Variants in NTN1 observed in about 807,000 individuals in gnomAD.
The protein encoded by NTN1 is netrin-1.
In NTN1, 11 loss-of-function variants were observed where a neutral mutation model predicts 54.2. The ratio of observed to expected loss-of-function variants is 0.20; its 90% CI spans 0.13 to 0.34. The LOEUF (loss-of-function observed/expected upper bound fraction) is 0.34. NTN1 is among the 10% of genes least tolerant of loss of function. The pLI is 1.00. For synonymous variants in NTN1, 371 were observed against 382.0 expected (o/e 0.97, Z 0.33); for missense variants, 740 against 893.1 (o/e 0.83, Z 2.18).
intron 3 of NTN1, among the ~76,000 whole-genome samples, chr17:9,170,601 GGCAGAGATGT>G (rs1432976101): frequency 6.6e-6 from 1 of 152,166 alleles, no homozygotes; most frequent in African/African-American, 2.4e-5. Context: ...CAAGTCGAAG[GGCAGAGATGT>G]GCCCAGCAGC....
intron 2 of NTN1, among the ~76,000 whole-genome samples, chr17:9,035,979 GC>G (rs1484794184): frequency 6.6e-6 from 1 of 152,158 alleles, no homozygotes; most frequent in Non-Finnish European, 1.5e-5. Context: ...CCAAGATGGT[GC>G]CACTGCACTC....
At chr17:9,191,522 T>C (rs1372752211) in intron 5 of NTN1, among the ~76,000 whole-genome samples, 2 of 152,118 alleles carry the variant, frequency 1.3e-5, no homozygotes, top group East Asian at 3.9e-4. Context: ...AAAGGCAAAC[T>C]AAAAGCTGAG....
intron 6 of NTN1, among the ~76,000 whole-genome samples, chr17:9,229,508 C>G (rs1239926286): frequency 6.6e-6 from 1 of 152,214 alleles, no homozygotes; most frequent in East Asian, 1.9e-4. Flanking sequence ...TTCTCTCCCA[C>G]ACCCGGGAGG....
intron 2 of NTN1, among the ~76,000 whole-genome samples, chr17:9,138,104 C>G (rs2092286776): frequency 6.6e-6 from 1 of 152,210 alleles, no homozygotes; most frequent in Non-Finnish European, 1.5e-5. Flanking sequence ...TTGCAAGAAT[C>G]CCCGGCGTGT....
At chr17:9,030,773 A>G (rs1032660869) in intron 2 of NTN1, among the ~76,000 whole-genome samples, 1 of 152,104 alleles carries the variant, frequency 6.6e-6, no homozygotes, top group Non-Finnish European at 1.5e-5. Flanking sequence ...AAGAAAGAAA[A>G]GAAAGATGGT....
intron 2 of NTN1, among the ~76,000 whole-genome samples, chr17:9,129,175 A>T (rs777046223): frequency 1.3e-5 from 2 of 152,106 alleles, no homozygotes; most frequent in Non-Finnish European, 1.5e-5. Flanking sequence ...ATTGAAAAAC[A>T]CTCAAGCCAG....
upstream of NTN1, chr17:9,021,470 G>T (rs1415622661): frequency 2.7e-5 from 4 of 150,534 alleles, no homozygotes; most frequent in Non-Finnish European, 5.9e-5. Context: ...GCCCCGCCCG[G>T]CGGCCCCGCC....
At chr17:9,134,401 C>T (rs1018210940) in intron 2 of NTN1, among the ~76,000 whole-genome samples, 5 of 152,150 alleles carry the variant, frequency 3.3e-5, no homozygotes, top group Non-Finnish European at 7.3e-5. Context: ...TTTCTGTGCC[C>T]GGCTGGGGTT....
chr17:9,023,481 G>A (rs931490952), intron 2 of NTN1, 90 bp downstream of exon 2: 15 of 1,300,610 alleles, frequency 1.2e-5, no homozygotes, highest in Non-Finnish European at 1.4e-5. Flanking sequence ...TAGGAGCGCG[G>A]GTCGAGGGAA....
intron 2 of NTN1, among the ~76,000 whole-genome samples, chr17:9,113,017 G>GC (rs1252572280): frequency 6.8e-6 from 1 of 147,386 alleles, no homozygotes; most frequent in Non-Finnish European, 1.5e-5. Flanking sequence ...TTTGTATACA[G>GC]AATTTTTTTT....
intron 2 of NTN1, among the ~76,000 whole-genome samples, chr17:9,096,123 G>A (rs531545754): frequency 2.6e-4 from 40 of 151,942 alleles, no homozygotes; most frequent in African/African-American, 8.0e-4. Flanking sequence ...GAATCTTCTC[G>A]TATGAAACTT....
At chr17:9,193,334 T>TG (rs950347362) in intron 5 of NTN1, among the ~76,000 whole-genome samples, 10 of 152,172 alleles carry the variant, frequency 6.6e-5, no homozygotes, top group African/African-American at 2.2e-4. Context: ...GAGAAAAGCA[T>TG]GGGGGACAGT....
chr17:9,056,253 C>T (rs958397623), intron 2 of NTN1, among the ~76,000 whole-genome samples: 1 of 152,190 alleles, frequency 6.6e-6, no homozygotes, highest in African/African-American at 2.4e-5. Context: ...GACGAGGTTT[C>T]ACCATGTTGG....
At chr17:9,029,710 T>C (rs2091882956) in intron 2 of NTN1, among the ~76,000 whole-genome samples, 1 of 152,250 alleles carries the variant, frequency 6.6e-6, no homozygotes, top group Non-Finnish European at 1.5e-5. Flanking sequence ...AGTTATATCA[T>C]TGGCCGGGCG....
At chr17:9,118,410 C>A (rs1032910986) in intron 2 of NTN1, among the ~76,000 whole-genome samples, 1 of 151,938 alleles carries the variant, frequency 6.6e-6, no homozygotes, top group African/African-American at 2.4e-5. Context: ...CCCAGCTATC[C>A]GGGAGGCTGA....
chr17:9,122,749 G>T (rs975207031), intron 2 of NTN1, among the ~76,000 whole-genome samples: 15 of 152,218 alleles, frequency 9.9e-5, no homozygotes, highest in Non-Finnish European at 2.2e-4. Context: ...TTAATACCCT[G>T]TGGTGTGTCT....
At chr17:9,039,546 A>G (rs1335508849) in intron 2 of NTN1, among the ~76,000 whole-genome samples, 1 of 152,206 alleles carries the variant, frequency 6.6e-6, no homozygotes, top group African/African-American at 2.4e-5. Context: ...GCACATATAT[A>G]AAAAGTATAA....
intron 5 of NTN1, 117 bp downstream of exon 5, chr17:9,183,086 C>T: frequency 9.4e-7 from 1 of 1,059,804 alleles, no homozygotes; most frequent in East Asian, 2.4e-5. Flanking sequence ...TGTCCGGGCT[C>T]TGCTCCGTAT....
rs1322697417 is a variant in NTN1 at position 9,240,057 on chromosome 17, C to T, written c.*89C>T. 1.6e-6 allele frequency: 1 copy of T among 611,508 alleles called. No homozygotes were observed. The highest frequency in any genetic ancestry group is 2.1e-6 in the Non-Finnish European group (1 of 483,608). 37.9% of individuals were successfully genotyped at this position (611,508 alleles called of 1,614,324 possible). On this transcript the variant is annotated 3_prime_UTR_variant, in exon 7 of 7. Transcript: ENST00000173229. ...TTGGCCCGGCCGCCGCGGACTTGGC[C>T]CGCGAGGGCTTTCCCAGGTGGGGGG...
Sources: gnomAD v4.1 joint callset for allele counts (sites outside exome capture counted in the v4.1 genomes callset) on GRCh38, gnomAD v4.1.1 for gene constraint, MANE v1.5 for transcripts, NCBI Gene and HGNC (gene_info 2026-07-23, HGNC 2026-07-21) for gene names.